The following CAMK4 variants were observed in gnomAD, a reference collection of about 807,000 sequenced individuals.
CAMK4 encodes the protein calcium/calmodulin dependent protein kinase IV.
In CAMK4, 22 loss-of-function variants were observed where a neutral mutation model predicts 44.9. The ratio of observed to expected loss-of-function variants is 0.49; its 90% CI spans 0.35 to 0.70. The LOEUF (loss-of-function observed/expected upper bound fraction) is 0.70, where lower values mean the gene tolerates loss of function less well. CAMK4 is among the 30% of genes least tolerant of loss of function. CAMK4 has a pLI of 0.01. For missense variants in CAMK4, 498 were observed against 586.8 expected, an observed-to-expected ratio of 0.85 and a Z score of 1.56; for synonymous variants, 218 against 215.4, an observed-to-expected ratio of 1.01 and a Z score of -0.11.
At chr5:111,294,476 A>C (rs1747405729) in intron 1 of CAMK4, among the ~76,000 whole-genome samples, 1 of 152,220 alleles carries the variant, frequency 6.6e-6, no homozygotes, top group Admixed American at 6.5e-5. Flanking sequence ...ATATTAGAAG[A>C]AACAGCTTAA....
At chr5:111,282,475 C>A (rs1247754578) in intron 1 of CAMK4, among the ~76,000 whole-genome samples, 3 of 152,060 alleles carry the variant, frequency 2.0e-5, no homozygotes, top group African/African-American at 7.2e-5. Flanking sequence ...AAAAGTAGAA[C>A]TTTTTGCGTG....
At chr5:111,338,766 C>CT (rs1749515958) in intron 1 of CAMK4, among the ~76,000 whole-genome samples, 1 of 151,226 alleles carries the variant, frequency 6.6e-6, no homozygotes, top group South Asian at 2.1e-4. Flanking sequence ...GATCCGATGG[C>CT]TGTAGGTGTG....
intron 4 of CAMK4, among the ~76,000 whole-genome samples, chr5:111,388,224 C>T (rs1751674140): frequency 1.3e-5 from 2 of 152,084 alleles, no homozygotes; most frequent in African/African-American, 4.8e-5. Flanking sequence ...TGCCCTTGCC[C>T]CACATATCTA....
chr5:111,326,287 T>C (rs1357485330), intron 1 of CAMK4, among the ~76,000 whole-genome samples: 1 of 151,978 alleles, frequency 6.6e-6, no homozygotes, highest in African/African-American at 2.4e-5. Context: ...ATAAACCCTA[T>C]AGATATTGAA....
intron 1 of CAMK4, among the ~76,000 whole-genome samples, chr5:111,249,666 ATGTGTG>A (rs3066628): frequency 0.02 from 2,821 of 140,668 alleles, 38 homozygotes; most frequent in African/African-American, 0.036. Flanking sequence ...GTGTATATAT[ATGTGTG>A]TGTGTGTGTG....
In CAMK4 at chr5:111,343,910, T is replaced by C. The variant is rs421603; in HGVS notation, c.162-114T>C. 4.6e-3 allele frequency: 2,915 copies of C among 639,654 alleles called. 67 individuals are homozygous for C. In the African/African-American group the frequency reaches 0.046, roughly 10 times the overall value. 39.6% of individuals were successfully genotyped at this position (639,654 alleles called of 1,614,324 possible). A position where few individuals can be genotyped will look rare whatever the true frequency, so the allele number is the denominator to read the frequency against. On this transcript the variant is annotated intron_variant, in intron 1 of 10. Coordinates refer to ENST00000282356, the MANE Select transcript of CAMK4 (RefSeq NM_001744.6). ...AGGGCTGGTCCTATAATAGAACTTA[T>C]AATAAGCACTTGTCAGTTATGTGGG...
intron 2 of CAMK4, among the ~76,000 whole-genome samples, chr5:111,371,601 C>T (rs763324059): frequency 1.3e-5 from 2 of 152,162 alleles, no homozygotes; most frequent in African/African-American, 2.4e-5. Context: ...TTACTGTGTA[C>T]TGTGCATTCA....
chr5:111,346,118 C>CA lies in CAMK4; in HGVS notation c.240+2017dup, dbSNP rs1749852736. On this transcript the variant is annotated intron_variant, in intron 2 of 10. Transcript: ENST00000282356. ...CAAAGACCAGTTGCCTCTAGCGTTT[C>CA]ATTCCATATAGGTCACGGAGACTGA... 3.3e-5 allele frequency among the ~76,000 whole-genome samples: 5 copies of CA among 151,934 alleles called. No homozygotes were observed. In the South Asian group the frequency reaches 1.0e-3, roughly 32 times the overall value.
At chr5:111,415,647 C>T (rs972959972) in intron 5 of CAMK4, among the ~76,000 whole-genome samples, 7 of 151,980 alleles carry the variant, frequency 4.6e-5, no homozygotes, top group Non-Finnish European at 1.0e-4. Flanking sequence ...ATGTATTCCC[C>T]ACAGATAAAG....
In CAMK4 at chr5:111,224,467, G is replaced by A. The variant is rs758564731; in HGVS notation, c.-17G>A. On this transcript the variant is annotated 5_prime_UTR_variant, in exon 1 of 11. Transcript: ENST00000282356. The surrounding 1 kb of genome is among the most constrained non-coding windows in gnomAD (Gnocchi z 5.7). ...GGCGGCGGCGGCGGCGGCGGCTTCC[G>A]GAGTCCCGCTGCGAAGATGCTCAAA... is the stretch of plus-strand genomic sequence containing the variant. 5.1e-6 allele frequency: 8 copies of A among 1,577,574 alleles called. No individual in the cohort carries two copies. Among genetic ancestry groups the A allele is most frequent in the East Asian group, 4.9e-5 (2 of 40,792 alleles).
chr5:111,318,432 T>C (rs758767002), intron 1 of CAMK4, among the ~76,000 whole-genome samples: 4 of 152,202 alleles, frequency 2.6e-5, no homozygotes, highest in Admixed American at 2.0e-4. Context: ...TTAAGACTGA[T>C]TGCCATAGCA....
intron 1 of CAMK4, among the ~76,000 whole-genome samples, chr5:111,267,795 C>T (rs1750327090): frequency 6.6e-6 from 1 of 151,588 alleles, no homozygotes; most frequent in African/African-American, 2.4e-5. Flanking sequence ...AACACAATAG[C>T]TCAGATTAAT....
At chr5:111,336,026 G>C (rs531507320) in intron 1 of CAMK4, among the ~76,000 whole-genome samples, 43 of 151,300 alleles carry the variant, frequency 2.8e-4, no homozygotes, top group African/African-American at 1.0e-3. Flanking sequence ...TAGAATTCCT[G>C]TTAAAACTAA....
At chr5:111,301,657 T>A (rs1356228001) in intron 1 of CAMK4, among the ~76,000 whole-genome samples, 1 of 152,218 alleles carries the variant, frequency 6.6e-6, no homozygotes, top group East Asian at 1.9e-4. Context: ...GAATTCTATT[T>A]TCCCAATTCA....
chr5:111,293,591 T>C (rs2112630217), intron 1 of CAMK4, among the ~76,000 whole-genome samples: 1 of 151,792 alleles, frequency 6.6e-6, no homozygotes, highest in East Asian at 1.9e-4. Flanking sequence ...CACGTCCAGC[T>C]AATTTTTGTA....
chr5:111,396,950 A>G (rs1264829635), intron 5 of CAMK4, among the ~76,000 whole-genome samples: 3 of 152,104 alleles, frequency 2.0e-5, no homozygotes, highest in Non-Finnish European at 4.4e-5. Flanking sequence ...CACAATTCCT[A>G]TTCCTAAATA....
At chr5:111,389,566 G>A (rs551057205) in intron 4 of CAMK4, among the ~76,000 whole-genome samples, 1 of 152,146 alleles carries the variant, frequency 6.6e-6, no homozygotes, top group African/African-American at 2.4e-5. Flanking sequence ...GTGGAAGTTG[G>A]CTCTCTTCAA....
chr5:111,308,129 T>G, intron 1 of CAMK4, among the ~76,000 whole-genome samples: 4 of 121,204 alleles, frequency 3.3e-5, no homozygotes, highest in Admixed American at 8.4e-5. Flanking sequence ...AGGGATAGCA[T>G]TGGGAGATAT....
intron 5 of CAMK4, among the ~76,000 whole-genome samples, chr5:111,400,736 C>T (rs1028809945): frequency 6.6e-6 from 1 of 152,112 alleles, no homozygotes; most frequent in African/African-American, 2.4e-5. Flanking sequence ...GAGAGCAGAC[C>T]CTTAAGTCCT....
Sources: gnomAD v4.1 joint callset for allele counts (sites outside exome capture counted in the v4.1 genomes callset) on GRCh38, gnomAD v4.1.1 for gene constraint, Gnocchi (gnomAD v3.1) non-coding constraint, MANE v1.5 for transcripts, NCBI Gene and HGNC (gene_info 2026-07-23, HGNC 2026-07-21) for gene names.